The following SLC17A7 variants were observed in gnomAD, a reference collection of about 807,000 sequenced individuals.
SLC17A7 encodes the protein solute carrier family 17 member 7, also known as vesicular glutamate transporter 1.
SLC17A7 carries 15 observed loss-of-function variants against 59.1 expected under a neutral mutation model. The ratio of observed to expected loss-of-function variants is 0.25; its 90% CI spans 0.17 to 0.39. The LOEUF (loss-of-function observed/expected upper bound fraction) is 0.39. Ranked by LOEUF, SLC17A7 falls within the 10% of genes least tolerant of loss-of-function variation. The pLI is 1.00. For missense variants in SLC17A7, 499 were observed against 765.1 expected (o/e 0.65, Z 4.10); for synonymous variants, 353 against 308.9 (o/e 1.14, Z -1.50).
chr19:49,441,307 G>T lies in SLC17A7; in HGVS notation c.62+11C>A. On this transcript the variant is annotated intron_variant, in intron 1 of 11. Coordinates refer to ENST00000221485, the MANE Select transcript of SLC17A7 (RefSeq NM_020309.4). Reference sequence around the variant, plus strand: ...CTCCCACTCTTCTCCCGGGACCCCCGCCAGGCTCACCGGTGCAGCTTCCCG... The same window carrying T: ...CTCCCACTCTTCTCCCGGGACCCCCTCCAGGCTCACCGGTGCAGCTTCCCG... The T allele has an allele frequency of 6.2e-7, 1 of 1,608,722 alleles. No homozygotes were observed. The highest frequency in any genetic ancestry group is 1.7e-4 in the Middle Eastern group (1 of 6,050).
chr19:49,433,715 T>C lies in SLC17A7; in HGVS notation c.867+11A>G. The stretch of plus-strand genomic sequence containing the variant: ...TCTCCCCGCCCCTTCCCCGAAGATT[T>C]GGTCCCGGACCGTGAGGGGGTTCAT... On this transcript the variant is annotated intron_variant, in intron 7 of 11. Transcript: ENST00000221485. The surrounding 1 kb of genome is among the most constrained non-coding windows in gnomAD (Gnocchi z 5.7). 1 of 1,614,124 alleles carries C rather than the reference T, an allele frequency of 6.2e-7. No individual in the cohort carries two copies. The highest frequency in any genetic ancestry group is 8.5e-7 in the Non-Finnish European group (1 of 1,180,000).
At chr19:49,430,945 G>A (rs2078956937) in intron 11 of SLC17A7, 70 bp downstream of exon 11, 1 of 1,560,164 alleles carries the variant, frequency 6.4e-7, no homozygotes, top group Admixed American at 1.8e-5. Context: ...CAGAGACAGT[G>A]CCACCACGTG....
chr19:49,437,440 G>C (rs1028964181), intron 1 of SLC17A7: 1 of 154,394 alleles, frequency 6.5e-6, no homozygotes, highest in Non-Finnish European at 1.4e-5. Flanking sequence ...TCTCGCCCCC[G>C]CCCGTTCTGG....
chr19:49,434,169 C>A, intron 5 of SLC17A7, 123 bp from the exon 6 acceptor site: 1 of 690,994 alleles, frequency 1.4e-6, no homozygotes, highest in South Asian at 1.7e-5. Flanking sequence ...CTCCCTTAGA[C>A]CCAGGAATCC....
Position 49,430,762 on chromosome 19 carries a change from A to C in SLC17A7, c.1440T>G (p.Tyr480Ter). Residue 480 changes from tyrosine (Y) to a stop codon, truncating the protein, a stop_gained, in exon 12 of 12, where the codon TAT (tyrosine) becomes TAG (stop). Transcript: ENST00000221485. LOFTEE classifies it high-confidence loss of function. ...AGACCCCGTAGAAGATGACACCTCC[A>C]TAGTGCACCAGGGAGGCAATTAGGA... Reference protein sequence around the residue: ...YVFLIASLVHYGGVIFYGVFA... With the variant: ...YVFLIASLVH 1 of 1,614,016 alleles carries C rather than the reference A, an allele frequency of 6.2e-7. No homozygotes were observed. Among genetic ancestry groups the C allele is most frequent in the Non-Finnish European group, 8.5e-7 (1 of 1,179,954 alleles).
chr19:49,434,977 C>G (rs1227121168), intron 3 of SLC17A7, 95 bp from the exon 4 acceptor site: 13 of 1,263,420 alleles, frequency 1.0e-5, no homozygotes, highest in Non-Finnish European at 4.6e-6. Context: ...CAGTGGTCCC[C>G]GGGACCCCAG....
At position 49,435,305 on chromosome 19, in the gene SLC17A7, A is replaced by T. The variant is rs1225887739; in HGVS notation, c.316-19T>A. ...GGGCTTTCTGCGGGCCAAAATGTAC[A>T]TTAAATCAGCCGCCCTGTCCAGGCT... On this transcript the variant is annotated intron_variant, in intron 2 of 11. Transcript: ENST00000221485. 1 of 1,578,300 alleles carries T rather than the reference A, an allele frequency of 6.3e-7. No individual in the cohort carries two copies. The highest frequency in any genetic ancestry group is 8.7e-7 in the Non-Finnish European group (1 of 1,147,944).
chr19:49,441,270 C>A, intron 1 of SLC17A7, 48 bp downstream of exon 1: 1 of 1,591,366 alleles, frequency 6.3e-7, no homozygotes, highest in South Asian at 1.1e-5. Context: ...GAATTAGCAT[C>A]CTCCTCAGAT....
Position 49,433,470 on chromosome 19 carries a change from A to G in SLC17A7, c.867+256T>C, listed in dbSNP as rs1568634416. ...GTCTAAGCAAAACCCCCACATTCTA[A>G]TCCCTTCTCTGCTGGCTTTAACTAT... On this transcript the variant is annotated intron_variant, in intron 7 of 11. Coordinates refer to ENST00000221485, the MANE Select transcript of SLC17A7 (RefSeq NM_020309.4). This position sits in a 1 kb window ranked among gnomAD's most constrained non-coding sequence, Gnocchi z 5.7. 1 of 624,174 alleles carries G rather than the reference A, an allele frequency of 1.6e-6. No homozygotes were observed. The highest frequency in any genetic ancestry group is 2.9e-6 in the Non-Finnish European group (1 of 342,412). 38.7% of individuals were successfully genotyped at this position (624,174 alleles called of 1,614,324 possible).
Position 49,436,960 on chromosome 19 carries a change from C to G in SLC17A7, c.63-159G>C, listed in dbSNP as rs2078982275. 1.6e-5 allele frequency: 18 copies of G among 1,111,592 alleles called. No individual in the cohort carries two copies. Among genetic ancestry groups the G allele is most frequent in the Non-Finnish European group, 2.2e-5 (18 of 803,970 alleles). The allele number at this position is 1,111,592 out of a possible 1,614,324, so 68.9% of individuals were successfully genotyped here. A position where few individuals can be genotyped will look rare whatever the true frequency, so the allele number is the denominator to read the frequency against. On this transcript the variant is annotated intron_variant, in intron 1 of 11. Coordinates refer to ENST00000221485, the MANE Select transcript of SLC17A7 (RefSeq NM_020309.4). This position sits in a 1 kb window ranked among gnomAD's most constrained non-coding sequence, Gnocchi z 4.1. Reference sequence around the variant, plus strand: ...TCCAGGTCCCTGGCTCCCTTCGCCCCCCTGATCCAGAAATCCTCCATCTCC... The same window carrying G: ...TCCAGGTCCCTGGCTCCCTTCGCCCGCCTGATCCAGAAATCCTCCATCTCC...
At chr19:49,432,388 C>T (rs1045332271) in intron 9 of SLC17A7, 131 bp downstream of exon 9, 171 of 1,274,340 alleles carry the variant, frequency 1.3e-4, no homozygotes, top group Non-Finnish European at 1.8e-4. Context: ...TTGGCCACGG[C>T]CCTTTGCATA....
At position 49,434,024 on chromosome 19, in the gene SLC17A7, G is replaced by C; in HGVS notation, c.660C>G (p.Val220=). Residue 220 remains valine, a synonymous_variant, in exon 6 of 12, where the codon GTC becomes GTG. Transcript: ENST00000221485. ...CAAGGACCCCGGCGAGGGGCATCGC[G>C]ACCACCGCCCCAGCATAGGAACCTA... ...AFCGSYAGAV[V]AMPLAGVLVQ... is the part of the protein sequence containing the mutation. 6.2e-7 allele frequency: 1 copy of C among 1,613,114 alleles called. No homozygotes were observed.
rs191830313 is a variant in SLC17A7 at position 49,431,610 on chromosome 19, C to T, written c.1151-162G>A. ...GCCTCTTCGCGCCCTCCACGCCACC[C>T]GCACCCACCCTAACCAGGCCCCTAC... On this transcript the variant is annotated intron_variant, in intron 9 of 11. Coordinates refer to ENST00000221485, the MANE Select transcript of SLC17A7 (RefSeq NM_020309.4). This position sits in a 1 kb window ranked among gnomAD's most constrained non-coding sequence, Gnocchi z 4.6. Among the ~76,000 whole-genome samples, 685 of 152,168 alleles carry T rather than the reference C, an allele frequency of 4.5e-3. 5 individuals carry two copies. Among genetic ancestry groups the T allele is most frequent in the Non-Finnish European group, 7.4e-3 (500 of 67,978 alleles).
At position 49,433,318 on chromosome 19, in the gene SLC17A7, C is replaced by T. The variant is rs12979203; in HGVS notation, c.868-358G>A. ...CCATGTTGCCCAAGCTGGTCTGGAACTCCTGGGCTCAAGCGATCCTGCAGC... is the reference window on the plus strand; with the variant it reads ...CCATGTTGCCCAAGCTGGTCTGGAATTCCTGGGCTCAAGCGATCCTGCAGC... On this transcript the variant is annotated intron_variant, in intron 7 of 11. Coordinates refer to ENST00000221485, the MANE Select transcript of SLC17A7 (RefSeq NM_020309.4). This position sits in a 1 kb window ranked among gnomAD's most constrained non-coding sequence, Gnocchi z 5.7. The T allele has an allele frequency of 5.7e-5, 23 of 406,690 alleles. 1 individual carries two copies. Among genetic ancestry groups the T allele is most frequent in the African/African-American group, 4.5e-4 (22 of 48,428 alleles). 25.2% of individuals were successfully genotyped at this position (406,690 alleles called of 1,614,324 possible). A position where few individuals can be genotyped will look rare whatever the true frequency, so the allele number is the denominator to read the frequency against.
At position 49,429,727 on chromosome 19, in the gene SLC17A7, G is replaced by A; in HGVS notation, c.*792C>T. On this transcript the variant is annotated 3_prime_UTR_variant, in exon 12 of 12. Coordinates refer to ENST00000221485, the MANE Select transcript of SLC17A7 (RefSeq NM_020309.4). ...AGGGGGCATCATGAAACCACCATGG[G>A]GGAGTTCAATGGTGGTAGCTTCAAA... 1 of 396,442 alleles carries A rather than the reference G, an allele frequency of 2.5e-6. No homozygotes were observed. Among genetic ancestry groups the A allele is most frequent in the East Asian group, 3.6e-5 (1 of 28,008 alleles). The allele number at this position is 396,442 out of a possible 1,614,324, so 24.6% of individuals were successfully genotyped here.
rs531051178 is a variant in SLC17A7 at position 49,436,338 on chromosome 19, T to C, written c.315+211A>G. Among the ~76,000 whole-genome samples, 10 of 152,262 alleles carry C rather than the reference T, an allele frequency of 6.6e-5. No homozygotes were observed. The highest frequency in any genetic ancestry group is 2.4e-4 in the African/African-American group (10 of 41,514). On this transcript the variant is annotated intron_variant, in intron 2 of 11. Transcript: ENST00000221485. The surrounding 1 kb of genome is among the most constrained non-coding windows in gnomAD (Gnocchi z 4.1). ...AAGCCCCTGGAAATAAGGGCGGGAC[T>C]TCATTTAGATCAGGACGGGGCTTAG...
chr19:49,430,912 C>A, intron 11 of SLC17A7, 100 bp from the exon 12 acceptor site: 1 of 1,552,078 alleles, frequency 6.4e-7, no homozygotes, highest in South Asian at 1.2e-5. Context: ...CCCAGGGAGG[C>A]TGAAAAGGCA....
In SLC17A7 at chr19:49,430,351, A is replaced by C; in HGVS notation, c.*168T>G. On this transcript the variant is annotated 3_prime_UTR_variant, in exon 12 of 12. Transcript: ENST00000221485. ...TCAGTCTGCAGCTTCACTACCCCTG[A>C]GAGGCAATTGGGAAGGAAAGAGGAT... The C allele has an allele frequency of 1.8e-6, 1 of 554,412 alleles. No homozygotes were observed. The highest frequency in any genetic ancestry group is 3.1e-6 in the Non-Finnish European group (1 of 317,704). The allele number at this position is 554,412 out of a possible 1,614,324, so 34.3% of individuals were successfully genotyped here. A position where few individuals can be genotyped will look rare whatever the true frequency, so the allele number is the denominator to read the frequency against.
At position 49,436,470 on chromosome 19, in the gene SLC17A7, G is replaced by A; in HGVS notation, c.315+79C>T. The A allele has an allele frequency of 6.5e-6, 10 of 1,545,774 alleles. No individual in the cohort carries two copies. The highest frequency in any genetic ancestry group is 8.8e-6 in the Non-Finnish European group (10 of 1,142,162). On this transcript the variant is annotated intron_variant, in intron 2 of 11. Coordinates refer to ENST00000221485, the MANE Select transcript of SLC17A7 (RefSeq NM_020309.4). The surrounding 1 kb of genome is among the most constrained non-coding windows in gnomAD (Gnocchi z 4.1). ...GGGGCGTGGCCTGGACGTCTGGTGG[G>A]TGAGTGTGACGTCATGGGGGCGTAG...
Sources: allele counts gnomAD v4.1 joint callset (sites outside exome capture counted in the v4.1 genomes callset), GRCh38; gene constraint gnomAD v4.1.1; non-coding constraint Gnocchi (gnomAD v3.1); transcripts MANE v1.5; gene names NCBI Gene and HGNC (gene_info 2026-07-23, HGNC 2026-07-21).